Variants in RLN2 observed in about 807,000 individuals in gnomAD.
The protein encoded by RLN2 is relaxin 2.
In RLN2, 10 loss-of-function variants were observed where a neutral mutation model predicts 7.3. That is an observed-to-expected ratio of 1.36 (90% confidence interval 0.84 to 2.31). The LOEUF is 2.31. Ranked by LOEUF, RLN2 falls within the 30% of genes most tolerant of loss-of-function variation. RLN2 has a pLI of 0.00. For synonymous variants in RLN2, 103 were observed against 82.3 expected (o/e 1.25, Z -1.36); for missense variants, 298 against 217.6 (o/e 1.37, Z -2.32).
upstream of RLN2, among the ~76,000 whole-genome samples, chr9:5,305,325 T>C (rs1217159800): frequency 6.8e-6 from 1 of 147,052 alleles, no homozygotes; most frequent in Admixed American, 6.9e-5. Context: ...TAATTTAAAA[T>C]TCTAATCTAC....
the RLN2 span, among the ~76,000 whole-genome samples, chr9:5,329,272 C>T: frequency 1.1e-4 from 15 of 137,160 alleles, no homozygotes; most frequent in South Asian, 1.6e-3. Flanking sequence ...CACTGCAGTC[C>T]GCAGTCCGGC....
At chr9:5,317,615 T>G in the RLN2 span, among the ~76,000 whole-genome samples, 7 of 151,774 alleles carry the variant, frequency 4.6e-5, no homozygotes, top group South Asian at 1.3e-3. Context: ...AAGATGGTAT[T>G]AAATTGAAAG....
At chr9:5,326,906 A>G in the RLN2 span, among the ~76,000 whole-genome samples, 8 of 152,080 alleles carry the variant, frequency 5.3e-5, no homozygotes, top group Non-Finnish European at 1.0e-4. Flanking sequence ...CATTAAAAAT[A>G]TAAAATAAAA....
chr9:5,299,996 C>G lies in RLN2; in HGVS notation c.*102G>C. Reference sequence around the variant, plus strand: ...TGGGACCTAATATCTAACAAAGATTCTTAGATATTCTAAGAATTGATGGGA... The same window carrying G: ...TGGGACCTAATATCTAACAAAGATTGTTAGATATTCTAAGAATTGATGGGA... On this transcript the variant is annotated 3_prime_UTR_variant, in exon 2 of 2. Transcript: ENST00000381627. 1.5e-6 allele frequency: 1 copy of G among 674,140 alleles called. No homozygotes were observed. Among genetic ancestry groups the G allele is most frequent in the Non-Finnish European group, 2.5e-6 (1 of 407,724 alleles). 41.8% of individuals were successfully genotyped at this position (674,140 alleles called of 1,614,324 possible). A position where few individuals can be genotyped will look rare whatever the true frequency, so the allele number is the denominator to read the frequency against.
chr9:5,328,334 A>G, the RLN2 span, among the ~76,000 whole-genome samples: 2 of 152,186 alleles, frequency 1.3e-5, no homozygotes, highest in South Asian at 4.2e-4. Context: ...CAAATTAATG[A>G]AATAAAGTGA....
At chr9:5,301,922 A>C (rs773084950) in intron 1 of RLN2, among the ~76,000 whole-genome samples, 2 of 152,196 alleles carry the variant, frequency 1.3e-5, no homozygotes, top group Non-Finnish European at 2.9e-5. Flanking sequence ...ATGAGAATTT[A>C]TATCGTTTTT....
chr9:5,324,570 C>T, the RLN2 span, among the ~76,000 whole-genome samples: 1 of 151,868 alleles, frequency 6.6e-6, no homozygotes, highest in Admixed American at 6.6e-5. Flanking sequence ...TGAACCTAAC[C>T]AGGAATTTAA....
the RLN2 span, among the ~76,000 whole-genome samples, chr9:5,312,274 A>C: frequency 6.6e-6 from 1 of 152,026 alleles, no homozygotes. Flanking sequence ...CTTTCAGCGT[A>C]GACTTAACTC....
At chr9:5,338,244 C>A in the RLN2 span, among the ~76,000 whole-genome samples, 1 of 60,684 alleles carries the variant, frequency 1.6e-5, no homozygotes, top group African/African-American at 6.5e-5. Flanking sequence ...GCAATGCAAT[C>A]CGGTCTTCTC....
chr9:5,316,530 G>A, the RLN2 span, among the ~76,000 whole-genome samples: 1 of 151,968 alleles, frequency 6.6e-6, no homozygotes, highest in African/African-American at 2.4e-5. Context: ...TTTTATGAGT[G>A]AGAACATGCA....
the RLN2 span, among the ~76,000 whole-genome samples, chr9:5,310,533 A>G: frequency 6.6e-6 from 1 of 151,998 alleles, no homozygotes; most frequent in East Asian, 1.9e-4. Flanking sequence ...AGATCCCCCA[A>G]TCGTGCATGG....
chr9:5,314,062 C>T, the RLN2 span, among the ~76,000 whole-genome samples: 1 of 152,016 alleles, frequency 6.6e-6, no homozygotes, highest in South Asian at 2.1e-4. Flanking sequence ...CCCTGCAGTT[C>T]TCACAGGCAC....
chr9:5,310,059 A>G, the RLN2 span, among the ~76,000 whole-genome samples: 1 of 151,892 alleles, frequency 6.6e-6, no homozygotes, highest in African/African-American at 2.4e-5. Flanking sequence ...TGTGTTGGGT[A>G]AAAGAGGAAT....
the RLN2 span, among the ~76,000 whole-genome samples, chr9:5,313,221 TTAA>T: frequency 6.6e-6 from 1 of 152,090 alleles, no homozygotes. Flanking sequence ...TTCTGATCTA[TTAA>T]TATTTGTGTT....
At chr9:5,317,567 T>C in the RLN2 span, among the ~76,000 whole-genome samples, 14 of 151,012 alleles carry the variant, frequency 9.3e-5, no homozygotes, top group African/African-American at 2.4e-4. Context: ...TTGGTATTAG[T>C]ACGAGAAAAA....
At chr9:5,335,721 A>C in the RLN2 span, 1 of 648,002 alleles carries the variant, frequency 1.5e-6, no homozygotes, top group East Asian at 2.7e-5. Flanking sequence ...TTAAACATTG[A>C]AACACAAAAG....
chr9:5,310,993 G>A, the RLN2 span, among the ~76,000 whole-genome samples: 2 of 151,926 alleles, frequency 1.3e-5, no homozygotes, highest in East Asian at 3.9e-4. Context: ...GTTTGCTCTG[G>A]AAAGCCCTAC....
upstream of RLN2, among the ~76,000 whole-genome samples, chr9:5,305,661 A>T (rs946792016): frequency 1.2e-4 from 19 of 152,054 alleles, no homozygotes; most frequent in African/African-American, 4.1e-4. Flanking sequence ...TTCATTTTTT[A>T]AAATAACTTA....
At chr9:5,335,720 G>T in the RLN2 span, 2 of 649,220 alleles carry the variant, frequency 3.1e-6, no homozygotes, top group African/African-American at 1.8e-5. Context: ...ATTAAACATT[G>T]AAACACAAAA....
Sources: gnomAD v4.1 joint callset for allele counts (sites outside exome capture counted in the v4.1 genomes callset) on GRCh38, gnomAD v4.1.1 for gene constraint, MANE v1.5 for transcripts, NCBI Gene and HGNC (gene_info 2026-07-23, HGNC 2026-07-21) for gene names.